ZNF226: variants seen among roughly 807,000 people sequenced by gnomAD.
ZNF226 encodes the protein zinc finger protein 226, also known as Kruppel-associated box protein.
A neutral mutation model predicts 11.4 loss-of-function variants in ZNF226; 6 were observed. That is an observed-to-expected ratio of 0.53 (90% CI 0.29 to 1.04). The LOEUF is 1.04. Ranked by LOEUF, ZNF226 falls within the 50% of genes least tolerant of loss-of-function variation. The probability of loss-of-function intolerance (pLI) is 0.08; values close to 1 mark genes in which losing one functional copy is unlikely to be tolerated. For synonymous variants in ZNF226, 350 were observed against 322.8 expected (o/e 1.08, Z -0.90); for missense variants, 1,058 against 956.5 (o/e 1.11, Z -1.40).
At chr19:44,196,152 G>T in the ZNF226 span, among the ~76,000 whole-genome samples, 3 of 152,278 alleles carry the variant, frequency 2.0e-5, no homozygotes, top group Non-Finnish European at 4.4e-5. Context: ...TGACAATGAG[G>T]TATGTGAGTG....
the ZNF226 span, among the ~76,000 whole-genome samples, chr19:44,186,026 C>A: frequency 5.3e-4 from 80 of 152,142 alleles, no homozygotes; most frequent in East Asian, 0.015. Flanking sequence ...GTCCTTTCCT[C>A]ATTGTGTAAT....
chr19:44,189,130 G>A, the ZNF226 span, among the ~76,000 whole-genome samples: 3 of 152,196 alleles, frequency 2.0e-5, no homozygotes, highest in Non-Finnish European at 4.4e-5. Flanking sequence ...TGTTTGTTCT[G>A]TAGGTGTGGG....
chr19:44,176,358 G>A lies in ZNF226; in HGVS notation c.1096G>A (p.Glu366Lys). The A allele has an allele frequency of 6.2e-7, 1 of 1,614,202 alleles. No individual in the cohort carries two copies. Among genetic ancestry groups the A allele is most frequent in the South Asian group, 1.1e-5 (1 of 91,080 alleles). ...CACGGCAGAGAAACCTTATAATTGT[G>A]AGGAGTGTGGGAGGGCCTTCAGTCA... Reference protein sequence around the residue: ...VHTAEKPYNCEECGRAFSQAS... With the variant: ...VHTAEKPYNCKECGRAFSQAS... Residue 366 changes from glutamate to lysine, a missense_variant, in exon 6 of 6, where the codon GAG becomes AAG. Coordinates refer to ENST00000337433, the MANE Select transcript of ZNF226 (RefSeq NM_001032373.2).
At chr19:44,195,043 C>A in the ZNF226 span, among the ~76,000 whole-genome samples, 1 of 152,238 alleles carries the variant, frequency 6.6e-6, no homozygotes, top group African/African-American at 2.4e-5. Context: ...TGCAGAAAAA[C>A]CAAAGCAAAT....
rs1389555427 is a variant in ZNF226, at chr19:44,177,174, AGTGG to A, written c.1913_1916del (p.Ser638LysfsTer46). On this transcript the variant is annotated frameshift_variant, in exon 6 of 6. Coordinates refer to ENST00000337433, the MANE Select transcript of ZNF226 (RefSeq NM_001032373.2). LOFTEE classifies it low-confidence loss of function (END_TRUNC). ...TCTTTTGGCCCATCAGAGAGTCCACAGTGGAGAAAAACCATTCAAATGTGAAGAA... is the reference window on the plus strand; with the variant it reads ...TCTTTTGGCCCATCAGAGAGTCCACAAGAAAAACCATTCAAATGTGAAGAA... 1 of 1,613,960 alleles carries A rather than the reference AGTGG, an allele frequency of 6.2e-7. No homozygotes were observed. The highest frequency in any genetic ancestry group is 8.5e-7 in the Non-Finnish European group (1 of 1,180,018).
Position 44,175,537 on chromosome 19 carries a change from G to A in ZNF226, c.275G>A (p.Arg92Lys), listed in dbSNP as rs367791765. ...AGTAAGTTAATTACTGTTCAAGACA[G>A]AGAATCAGAAGAAGAGCTTTCTTGT... Reference protein sequence around the residue: ...NQSKLITVQDRESEEELSCWQ... With the variant: ...NQSKLITVQDKESEEELSCWQ... The change falls in exon 6 of 6, where the codon AGA becomes AAA. Residue 92 changes from arginine (R) to lysine (K), a missense_variant. Arg to Lys is a conservative substitution (Grantham distance 26). Coordinates refer to ENST00000337433, the MANE Select transcript of ZNF226 (RefSeq NM_001032373.2). 4 of 1,610,752 alleles carry A rather than the reference G, an allele frequency of 2.5e-6. No individual in the cohort carries two copies. Among genetic ancestry groups the A allele is most frequent in the Middle Eastern group, 1.7e-4 (1 of 6,054 alleles).
At position 44,177,364 on chromosome 19, in the gene ZNF226, G is replaced by T; in HGVS notation, c.2102G>T (p.Cys701Phe). 4 of 1,614,106 alleles carry T rather than the reference G, an allele frequency of 2.5e-6. No individual in the cohort carries two copies. Among genetic ancestry groups the T allele is most frequent in the Non-Finnish European group, 3.4e-6 (4 of 1,180,022 alleles). The change falls in exon 6 of 6, where the codon TGT (cysteine) becomes TTT (phenylalanine). Residue 701 changes from cysteine (C) to phenylalanine (F), a missense_variant. Physicochemically the swap from Cys to Phe is radical, Grantham distance 205 (BLOSUM62 -2). Transcript: ENST00000337433. The part of the protein sequence containing the change: ...RVHTGEKPYK[C>F]GECGKYFSQA... ...CACACAGGAGAAAAACCATATAAAT[G>T]TGGGGAGTGTGGTAAGTACTTCAGT...
chr19:44,182,750 G>A (rs1160687147), downstream of ZNF226, among the ~76,000 whole-genome samples: 1 of 152,164 alleles, frequency 6.6e-6, no homozygotes, highest in Non-Finnish European at 1.5e-5. Context: ...GTCAAGTGGA[G>A]GCACTTTACT....
intron 3 of ZNF226, 102 bp from the exon 4 acceptor site, chr19:44,171,986 C>T: frequency 1.3e-6 from 2 of 1,496,068 alleles, no homozygotes; most frequent in Non-Finnish European, 1.8e-6. Flanking sequence ...GGGAAATCTA[C>T]AAACGGCTGG....
At position 44,176,352 on chromosome 19, in the gene ZNF226, A is replaced by G; in HGVS notation, c.1090A>G (p.Asn364Asp). 6.2e-7 allele frequency: 1 copy of G among 1,614,216 alleles called. No individual in the cohort carries two copies. Among genetic ancestry groups the G allele is most frequent in the Non-Finnish European group, 8.5e-7 (1 of 1,180,032 alleles). The stretch of plus-strand genomic sequence containing the variant: ...GGTCCACACGGCAGAGAAACCTTAT[A>G]ATTGTGAGGAGTGTGGGAGGGCCTT... ...CKVHTAEKPY[N>D]CEECGRAFSQ... Residue 364 changes from asparagine to aspartate, a missense_variant, in exon 6 of 6, where the codon AAT becomes GAT. Transcript: ENST00000337433.
At chr19:44,192,117 ATG>A in the ZNF226 span, among the ~76,000 whole-genome samples, 1 of 152,270 alleles carries the variant, frequency 6.6e-6, no homozygotes. Flanking sequence ...AAGTAAAAGA[ATG>A]TGGAATTTAT....
At chr19:44,170,412 C>G (rs1473585937) in intron 3 of ZNF226, among the ~76,000 whole-genome samples, 1 of 151,886 alleles carries the variant, frequency 6.6e-6, no homozygotes, top group Non-Finnish European at 1.5e-5. Flanking sequence ...ACCAGCCTGG[C>G]CAACATGGTG....
At chr19:44,180,721 C>T (rs1430493742), downstream of ZNF226, among the ~76,000 whole-genome samples, 1 of 152,122 alleles carries the variant, frequency 6.6e-6, no homozygotes, top group African/African-American at 2.4e-5. Flanking sequence ...TGCTTTCTGG[C>T]CCTTTACAGA....
downstream of ZNF226, among the ~76,000 whole-genome samples, chr19:44,181,215 C>CA (rs1257044128): frequency 2.0e-5 from 3 of 151,920 alleles, no homozygotes; most frequent in South Asian, 4.2e-4. Context: ...CCTGTCTCTC[C>CA]AAAAAAAGTT....
At chr19:44,177,715 T>C (rs377709095), downstream of ZNF226, 68 of 1,527,054 alleles carry the variant, frequency 4.5e-5, no homozygotes, top group African/African-American at 1.9e-4. Flanking sequence ...CTTCCAGTTA[T>C]CAAGTCTCAA....
chr19:44,199,146 A>T, the ZNF226 span, among the ~76,000 whole-genome samples: 1 of 152,162 alleles, frequency 6.6e-6, no homozygotes, highest in East Asian at 1.9e-4. Flanking sequence ...GAATGATTTT[A>T]TCAAATCTTC....
At chr19:44,171,759 CAGT>C (rs1170280991) in intron 3 of ZNF226, among the ~76,000 whole-genome samples, 6 of 152,292 alleles carry the variant, frequency 3.9e-5, no homozygotes, top group Admixed American at 6.5e-5. Flanking sequence ...GCTCCCACCT[CAGT>C]AGGAAGGCAG....
downstream of ZNF226, chr19:44,177,718 A>G (rs538565354): frequency 4.6e-5 from 70 of 1,519,958 alleles, 1 homozygote; most frequent in East Asian, 1.4e-3. Context: ...CCAGTTATCA[A>G]GTCTCAAAGT....
At chr19:44,191,204 A>G in the ZNF226 span, among the ~76,000 whole-genome samples, 2 of 152,216 alleles carry the variant, frequency 1.3e-5, no homozygotes, top group African/African-American at 4.8e-5. Flanking sequence ...AGTCTTTTCC[A>G]TGAATCTGAT....
Sources: gnomAD v4.1 joint callset for allele counts (sites outside exome capture counted in the v4.1 genomes callset) on GRCh38, gnomAD v4.1.1 for gene constraint, MANE v1.5 for transcripts, NCBI Gene and HGNC (gene_info 2026-07-23, HGNC 2026-07-21) for gene names.